TBC1D5: variants seen among roughly 807,000 people sequenced by gnomAD.
The protein encoded by TBC1D5 is TBC1 domain family, member 5.
In TBC1D5, 75 loss-of-function variants were observed where a neutral mutation model predicts 100.3. The ratio of observed to expected loss-of-function variants is 0.75; its 90% confidence interval spans 0.62 to 0.91. TBC1D5 has a LOEUF of 0.91. Among genes scored for constraint, TBC1D5 ranks in the 40% least tolerant of loss-of-function variants. The pLI, the probability that TBC1D5 is intolerant of heterozygous loss-of-function variation, is 0.00. For synonymous variants in TBC1D5, 323 were observed against 325.6 expected, an observed-to-expected ratio of 0.99 and a Z score of 0.09; for missense variants, 910 against 942.4, an observed-to-expected ratio of 0.97 and a Z score of 0.45.
At chr3:17,278,652 C>A (rs972136109) in intron 15 of TBC1D5, among the ~76,000 whole-genome samples, 1 of 152,092 alleles carries the variant, frequency 6.6e-6, no homozygotes, top group African/African-American at 2.4e-5. Context: ...AAAGCTACCT[C>A]ATAAAGAGAC....
chr3:17,422,708 T>C (rs1046399736), intron 4 of TBC1D5, among the ~76,000 whole-genome samples: 1 of 151,986 alleles, frequency 6.6e-6, no homozygotes, highest in Non-Finnish European at 1.5e-5. Context: ...ATACTAAAAA[T>C]AAATGTAAAT....
chr3:17,278,584 T>C (rs1414356968), intron 15 of TBC1D5, among the ~76,000 whole-genome samples: 1 of 152,236 alleles, frequency 6.6e-6, no homozygotes, highest in Non-Finnish European at 1.5e-5. Flanking sequence ...TCTGTACTTT[T>C]TGAAAACCTC....
At chr3:17,189,155 C>T (rs1343549763) in intron 18 of TBC1D5, among the ~76,000 whole-genome samples, 1 of 152,078 alleles carries the variant, frequency 6.6e-6, no homozygotes, top group East Asian at 1.9e-4. Flanking sequence ...CAGCATCTGG[C>T]ACAGAGCAGA....
intron 1 of TBC1D5, chr3:17,700,047 C>A (rs1384435140): frequency 1.3e-5 from 2 of 152,040 alleles, no homozygotes; most frequent in Admixed American, 6.6e-5. Context: ...CACTAGAGTT[C>A]TGGCAAGCTA....
chr3:17,186,081 T>C (rs2069023403), intron 18 of TBC1D5, among the ~76,000 whole-genome samples: 1 of 150,726 alleles, frequency 6.6e-6, no homozygotes, highest in Non-Finnish European at 1.5e-5. Flanking sequence ...TCATTTAGCA[T>C]ACTCTAAACA....
chr3:17,321,247 T>C (rs1182059197), intron 13 of TBC1D5, among the ~76,000 whole-genome samples: 1 of 152,096 alleles, frequency 6.6e-6, no homozygotes, highest in East Asian at 1.9e-4. Context: ...TAAAAAAACA[T>C]TTTTTGTAGA....
At chr3:17,351,279 ATG>A (rs985619710) in intron 13 of TBC1D5, among the ~76,000 whole-genome samples, 3 of 152,182 alleles carry the variant, frequency 2.0e-5, no homozygotes, top group African/African-American at 7.2e-5. Context: ...ACACATGCAC[ATG>A]TGTGTTTACT....
At chr3:17,181,940 A>G (rs1046957927) in intron 19 of TBC1D5, among the ~76,000 whole-genome samples, 1 of 152,192 alleles carries the variant, frequency 6.6e-6, no homozygotes, top group Non-Finnish European at 1.5e-5. Context: ...TCAATCCCTT[A>G]CTAATGAACA....
At chr3:17,636,608 G>A (rs888826908) in intron 1 of TBC1D5, among the ~76,000 whole-genome samples, 9 of 151,908 alleles carry the variant, frequency 5.9e-5, no homozygotes, top group African/African-American at 1.7e-4. Context: ...TGGCTAACAC[G>A]GTGAAACCCT....
intron 3 of TBC1D5, among the ~76,000 whole-genome samples, chr3:17,486,379 T>C (rs1471333302): frequency 1.3e-5 from 2 of 152,240 alleles, no homozygotes; most frequent in African/African-American, 2.4e-5. Flanking sequence ...TTTGTTGCCA[T>C]TGCTTTTGGT....
At chr3:17,273,159 G>T (rs2149719589) in intron 15 of TBC1D5, among the ~76,000 whole-genome samples, 1 of 152,096 alleles carries the variant, frequency 6.6e-6, no homozygotes, top group Non-Finnish European at 1.5e-5. Flanking sequence ...TGTAACATTT[G>T]CCACTCATCA....
chr3:17,591,246 A>AC (rs1560227751), intron 2 of TBC1D5, among the ~76,000 whole-genome samples: 3 of 127,712 alleles, frequency 2.3e-5, no homozygotes, highest in Admixed American at 7.9e-5. Context: ...AAAAAAAAAA[A>AC]AAAAAAAAAA....
At chr3:17,542,575 G>C (rs1560122770) in intron 2 of TBC1D5, among the ~76,000 whole-genome samples, 2 of 152,144 alleles carry the variant, frequency 1.3e-5, no homozygotes, top group Admixed American at 6.5e-5. Context: ...AAATTGTAGA[G>C]AGCAAAACCA....
At chr3:17,703,111 A>G (rs2073438483) in intron 1 of TBC1D5, among the ~76,000 whole-genome samples, 1 of 152,200 alleles carries the variant, frequency 6.6e-6, no homozygotes, top group Non-Finnish European at 1.5e-5. Flanking sequence ...TGTTCAGGCT[A>G]GAAGAATATG....
chr3:17,628,094 T>C (rs1481470070), intron 1 of TBC1D5, among the ~76,000 whole-genome samples: 1 of 151,844 alleles, frequency 6.6e-6, no homozygotes, highest in African/African-American at 2.4e-5. Flanking sequence ...CTCCGCCGGG[T>C]GTGGTGGCTC....
chr3:17,742,231 G>A (rs1254676952), upstream of TBC1D5, among the ~76,000 whole-genome samples: 2 of 152,066 alleles, frequency 1.3e-5, no homozygotes, highest in Admixed American at 1.3e-4. Context: ...CCCCGACGCC[G>A]ACTCCGAGGC....
chr3:17,324,501 G>A (rs746259481), intron 13 of TBC1D5, among the ~76,000 whole-genome samples: 3 of 152,014 alleles, frequency 2.0e-5, no homozygotes, highest in African/African-American at 4.8e-5. Flanking sequence ...AAAATTAGCC[G>A]GGTGTAGTGG....
At chr3:17,248,726 GAC>G (rs1210025992) in intron 16 of TBC1D5, among the ~76,000 whole-genome samples, 1 of 152,242 alleles carries the variant, frequency 6.6e-6, no homozygotes, top group East Asian at 1.9e-4. Context: ...TCTCAACAGT[GAC>G]ACAGAGAGAC....
chr3:17,224,049 G>T (rs1012125412), intron 17 of TBC1D5, among the ~76,000 whole-genome samples: 2 of 152,132 alleles, frequency 1.3e-5, no homozygotes, highest in African/African-American at 4.8e-5. Flanking sequence ...TTTGGAAATA[G>T]GCCTTTCTAT....
Sources: gnomAD v4.1 joint callset for allele counts (sites outside exome capture counted in the v4.1 genomes callset) on GRCh38, gnomAD v4.1.1 for gene constraint, MANE v1.5 for transcripts, NCBI Gene and HGNC (gene_info 2026-07-23, HGNC 2026-07-21) for gene names.